The following CNBD1 variants were observed in gnomAD, a reference collection of about 807,000 sequenced individuals.
CNBD1 encodes the protein cyclic nucleotide binding domain containing 1.
CNBD1 carries 71 observed loss-of-function variants against 54.4 expected under a neutral mutation model. The observed-to-expected ratio is 1.30, with a 90% CI of 1.08 to 1.59. The LOEUF is 1.59. Among genes scored for constraint, CNBD1 ranks in the 40% most tolerant of loss-of-function variants. The probability of loss-of-function intolerance (pLI) is 0.00; values close to 1 mark genes in which losing one functional copy is unlikely to be tolerated. For synonymous variants in CNBD1, 182 were observed against 170.7 expected (o/e 1.07, Z -0.51); for missense variants, 659 against 518.0 (o/e 1.27, Z -2.64).
intron 2 of CNBD1, among the ~76,000 whole-genome samples, chr8:86,903,481 T>G (rs2131806671): frequency 6.6e-6 from 1 of 152,174 alleles, no homozygotes; most frequent in East Asian, 1.9e-4. Flanking sequence ...AGTATCTAGT[T>G]AATACAGTTA....
chr8:86,940,132 C>T (rs546144885), intron 4 of CNBD1, among the ~76,000 whole-genome samples: 38 of 88,718 alleles, frequency 4.3e-4, no homozygotes, highest in South Asian at 1.2e-3. Flanking sequence ...CCACATGTTA[C>T]TTTTTTTTTT....
intron 1 of CNBD1, among the ~76,000 whole-genome samples, chr8:86,877,940 T>G (rs1212843464): frequency 2.0e-5 from 3 of 152,124 alleles, no homozygotes; most frequent in African/African-American, 7.2e-5. Flanking sequence ...TCTTTGTCAT[T>G]TTTGCAGTTT....
chr8:87,225,996 C>A (rs915566843), intron 5 of CNBD1, among the ~76,000 whole-genome samples: 3 of 151,526 alleles, frequency 2.0e-5, no homozygotes, highest in African/African-American at 7.3e-5. Flanking sequence ...GGAATGTATC[C>A]ATTTCTTCTA....
intron 2 of CNBD1, among the ~76,000 whole-genome samples, chr8:87,394,327 G>T (rs892423558): frequency 6.6e-6 from 1 of 151,918 alleles, no homozygotes; most frequent in Non-Finnish European, 1.5e-5. Flanking sequence ...GGAATAAAAA[G>T]AAGCAGAATA....
chr8:86,964,394 T>A (rs1334117347), intron 4 of CNBD1, among the ~76,000 whole-genome samples: 1 of 152,226 alleles, frequency 6.6e-6, no homozygotes, highest in African/African-American at 2.4e-5. Flanking sequence ...CCTGGTCCTA[T>A]ATAAGATGTA....
At chr8:87,074,788 G>T (rs1810834244) in intron 4 of CNBD1, among the ~76,000 whole-genome samples, 2 of 152,116 alleles carry the variant, frequency 1.3e-5, no homozygotes, top group Non-Finnish European at 2.9e-5. Flanking sequence ...TGAGAACCTG[G>T]ATATTTCAGT....
At chr8:87,179,697 T>G (rs553107054) in intron 4 of CNBD1, among the ~76,000 whole-genome samples, 1 of 152,124 alleles carries the variant, frequency 6.6e-6, no homozygotes, top group Admixed American at 6.6e-5. Flanking sequence ...TATATTGGAG[T>G]TGTCCTTTTA....
At chr8:86,923,899 G>A (rs1176204403) in intron 3 of CNBD1, among the ~76,000 whole-genome samples, 1 of 152,170 alleles carries the variant, frequency 6.6e-6, no homozygotes. Flanking sequence ...CACTTTCATG[G>A]ATTTCCATGG....
chr8:87,079,609 A>G (rs1357903571), intron 4 of CNBD1, among the ~76,000 whole-genome samples: 1 of 152,120 alleles, frequency 6.6e-6, no homozygotes, highest in Non-Finnish European at 1.5e-5. Flanking sequence ...TGACATTTGT[A>G]TATTTTTTCG....
intron 4 of CNBD1, among the ~76,000 whole-genome samples, chr8:87,089,398 C>T (rs115339910): frequency 0.035 from 5,263 of 151,994 alleles, 327 homozygotes; most frequent in African/African-American, 0.12. Flanking sequence ...GATGTTATCA[C>T]GTATTCCAAG....
At chr8:87,252,567 A>C (rs1807934421) in intron 6 of CNBD1, among the ~76,000 whole-genome samples, 1 of 152,148 alleles carries the variant, frequency 6.6e-6, no homozygotes, top group Non-Finnish European at 1.5e-5. Context: ...TGAGCTGTAA[A>C]CTGACGGCTC....
In CNBD1 at chr8:87,018,223, A is replaced by G. The variant is rs377431460; in HGVS notation, c.431+78469A>G. 9.8e-5 allele frequency among the ~76,000 whole-genome samples: 15 copies of G among 152,372 alleles called. No individual in the cohort carries two copies. In the East Asian group the frequency reaches 1.9e-3, roughly 20 times the overall value. On this transcript the variant is annotated intron_variant, in intron 4 of 10. Coordinates refer to ENST00000518476, the MANE Select transcript of CNBD1 (RefSeq NM_173538.3). ...GTGCCATTGCACTCCAGCCTGGGCAACGAGAGCAAAACTGTGTCTCAAAAA... is the reference window on the plus strand; with the variant it reads ...GTGCCATTGCACTCCAGCCTGGGCAGCGAGAGCAAAACTGTGTCTCAAAAA...
intron 4 of CNBD1, among the ~76,000 whole-genome samples, chr8:87,031,001 T>C (rs1809777427): frequency 7.0e-6 from 1 of 143,424 alleles, no homozygotes. Flanking sequence ...TTTTTTGTAA[T>C]CTGGAAAAAA....
chr8:87,124,636 T>C (rs1299995672), intron 4 of CNBD1, among the ~76,000 whole-genome samples: 2 of 151,672 alleles, frequency 1.3e-5, no homozygotes, highest in African/African-American at 2.4e-5. Context: ...AGCTTAGATA[T>C]AGAGGGAGTG....
chr8:86,868,733 C>G (rs569667496), intron 1 of CNBD1, among the ~76,000 whole-genome samples: 20 of 152,230 alleles, frequency 1.3e-4, no homozygotes, highest in African/African-American at 4.1e-4. Flanking sequence ...TACAAGAACT[C>G]TATGTCTTCG....
intron 1 of CNBD1, among the ~76,000 whole-genome samples, chr8:86,874,990 A>T (rs1286399077): frequency 1.4e-4 from 3 of 21,642 alleles, no homozygotes; most frequent in African/African-American, 3.8e-4. Flanking sequence ...ATCAATTTAT[A>T]TATATATATA....
rs928583080 is a variant in CNBD1, at chr8:87,378,549, T to G, written c.1304-4071T>G. ...GGTACCAGTACCATGCTGTTTTGGTTACTGTAGCCTTGTTGTATAGTTTGA... is the reference window on the plus strand; with the variant it reads ...GGTACCAGTACCATGCTGTTTTGGTGACTGTAGCCTTGTTGTATAGTTTGA... On this transcript the variant is annotated intron_variant, in intron 10 of 10. Transcript: ENST00000518476. 2.7e-4 allele frequency among the ~76,000 whole-genome samples: 40 copies of G among 150,886 alleles called. 1 individual carries two copies. The highest frequency in any genetic ancestry group is 6.9e-4 in the African/African-American group (28 of 40,382).
At chr8:87,220,142 C>T (rs1181342232) in intron 5 of CNBD1, among the ~76,000 whole-genome samples, 1 of 151,680 alleles carries the variant, frequency 6.6e-6, no homozygotes, top group African/African-American at 2.4e-5. Context: ...ATGCAATCGC[C>T]AATAATATTT....
chr8:87,139,360 A>C (rs1458012832), intron 4 of CNBD1, among the ~76,000 whole-genome samples: 1 of 152,210 alleles, frequency 6.6e-6, no homozygotes, highest in East Asian at 1.9e-4. Flanking sequence ...ATTGTGTCTC[A>C]GGAAGGAACC....
Sources: gnomAD v4.1 joint callset for allele counts (sites outside exome capture counted in the v4.1 genomes callset) on GRCh38, gnomAD v4.1.1 for gene constraint, MANE v1.5 for transcripts, NCBI Gene and HGNC (gene_info 2026-07-23, HGNC 2026-07-21) for gene names.